FAH: variants seen among roughly 807,000 people sequenced by gnomAD.
FAH encodes the protein fumarylacetoacetase.
FAH carries 47 observed loss-of-function variants against 55.8 expected under a neutral mutation model. The ratio of observed to expected loss-of-function variants is 0.84; its 90% CI spans 0.67 to 1.07. The LOEUF (loss-of-function observed/expected upper bound fraction) is 1.07, where lower values mean the gene tolerates loss of function less well. Among genes scored for constraint, FAH ranks in the 50% least tolerant of loss-of-function variants. The probability of loss-of-function intolerance (pLI) is 0.00; values close to 1 mark genes in which losing one functional copy is unlikely to be tolerated. For missense variants in FAH, 495 were observed against 545.9 expected, an observed-to-expected ratio of 0.91 and a Z score of 0.93; for synonymous variants, 199 against 207.7, an observed-to-expected ratio of 0.96 and a Z score of 0.36.
chr15:80,157,029 G>A (rs2041105582), intron 1 of FAH: 1 of 152,316 alleles, frequency 6.6e-6, no homozygotes, highest in South Asian at 2.1e-4. Flanking sequence ...GGATTCAGGT[G>A]GTTCAGCTCT....
chr15:80,168,321 G>A lies in FAH; in HGVS notation c.606+5G>A, dbSNP rs1399118828. The A allele has an allele frequency of 6.2e-7, 1 of 1,611,272 alleles. No homozygotes were observed. Among genetic ancestry groups the A allele is most frequent in the Admixed American group, 1.7e-5 (1 of 59,954 alleles). On this transcript the variant is annotated splice_donor_5th_base_variant and intron_variant, in intron 7 of 13. Transcript: ENST00000561421. The stretch of plus-strand genomic sequence containing the variant: ...TTGGACATGGAGCTGGAAATGGTAA[G>A]TGAGCTTGATGTTTTATTGCCATGG...
At chr15:80,168,402 C>A in intron 7 of FAH, 86 bp downstream of exon 7, 1 of 1,352,824 alleles carries the variant, frequency 7.4e-7, no homozygotes, top group African/African-American at 1.4e-5. Flanking sequence ...CACCATGAGC[C>A]GCCCACTCCC....
chr15:80,181,944 G>T (rs1409221609), intron 13 of FAH, among the ~76,000 whole-genome samples: 2 of 152,164 alleles, frequency 1.3e-5, no homozygotes, highest in Non-Finnish European at 2.9e-5. Flanking sequence ...GCTTGTGTTA[G>T]TTTCCTGTGG....
chr15:80,159,461 G>T (rs187534985), intron 2 of FAH, among the ~76,000 whole-genome samples: 1 of 152,106 alleles, frequency 6.6e-6, no homozygotes, highest in East Asian at 1.9e-4. Context: ...GAAGAACATG[G>T]CCACCTTCAA....
In FAH at chr15:80,173,134, A is replaced by G. The variant is rs148153674; in HGVS notation, c.827A>G (p.Asn276Ser). 15 of 1,614,008 alleles carry G rather than the reference A, an allele frequency of 9.3e-6. No homozygotes were observed. Among genetic ancestry groups the G allele is most frequent in the African/African-American group, 8.0e-5 (6 of 74,878 alleles). The stretch of plus-strand genomic sequence containing the variant: ...GCTCTCATGCCCTTTGCTGTGCCCA[A>G]CCCGAAGCAGGTAAGCACATTCTCT... ...MDALMPFAVP[N>S]PKQDPRPLPY... The change falls in exon 9 of 14, where the codon AAC becomes AGC. Residue 276 changes from asparagine to serine, a missense_variant. Coordinates refer to ENST00000561421, the MANE Select transcript of FAH (RefSeq NM_000137.4).
Position 80,172,150 on chromosome 15 carries a change from CT to C in FAH, c.615del (p.Phe205LeufsTer2), listed in dbSNP as rs1057517084. On this transcript the variant is annotated frameshift_variant and splice_region_variant, in exon 8 of 14. Transcript: ENST00000561421. LOFTEE classifies it high-confidence loss of function. ...CKLLDMELEMAFFVGPGNRLG... is the reference protein window; with the variant it reads ...CKLLDMELEMXFFVGPGNRLG... ...CTAATGAACTCTCCCCCATGTAAGG[CT>C]TTTTTTGTAGGCCCTGGAAACAGAT... 2.5e-6 allele frequency: 4 copies of C among 1,612,688 alleles called. No homozygotes were observed. The highest frequency in any genetic ancestry group is 3.4e-6 in the Non-Finnish European group (4 of 1,178,828).
chr15:80,162,036 CTTAT>C (rs1485003069), intron 4 of FAH, among the ~76,000 whole-genome samples: 1 of 152,196 alleles, frequency 6.6e-6, no homozygotes, highest in Admixed American at 6.5e-5. Context: ...CTCCTGATTT[CTTAT>C]TTGTTTCTCA....
chr15:80,172,272 G>A lies in FAH; in HGVS notation c.706+24G>A, dbSNP rs371479394. 40 of 1,553,956 alleles carry A rather than the reference G, an allele frequency of 2.6e-5. No individual in the cohort carries two copies. The African/African-American group carries it at 3.0e-4, about 12-fold the overall frequency. ...TGGTAATTACTGGAGCTCTGCTCCT[G>A]TAGAGATGACGGGGAGGAGGCTGGG... is the stretch of plus-strand genomic sequence containing the variant. On this transcript the variant is annotated intron_variant, in intron 8 of 13. Coordinates refer to ENST00000561421, the MANE Select transcript of FAH (RefSeq NM_000137.4).
rs148537380 is a variant in FAH at position 80,170,299 on chromosome 15, A to G, written c.607-1850A>G. On this transcript the variant is annotated intron_variant, in intron 7 of 13. Coordinates refer to ENST00000561421, the MANE Select transcript of FAH (RefSeq NM_000137.4). Reference sequence around the variant, plus strand: ...CTCAGGAAGCTCTGAGTGCCTCATCACTGATGGTGTAGAAGAAGCTGTCAT... The same window carrying G: ...CTCAGGAAGCTCTGAGTGCCTCATCGCTGATGGTGTAGAAGAAGCTGTCAT... 4.6e-3 allele frequency among the ~76,000 whole-genome samples: 706 copies of G among 152,284 alleles called. 5 individuals carry two copies. Among genetic ancestry groups the G allele is most frequent in the African/African-American group, 0.017 (691 of 41,550 alleles).
In FAH at chr15:80,158,270, G is replaced by A. The variant is rs140502226; in HGVS notation, c.192+100G>A. On this transcript the variant is annotated intron_variant, in intron 2 of 13. Transcript: ENST00000561421. Reference sequence around the variant, plus strand: ...GCGTTCCATTTCCGATAGAGGTAATGCCATCGAAGGTCTCAGAGGTTATAC... The same window carrying A: ...GCGTTCCATTTCCGATAGAGGTAATACCATCGAAGGTCTCAGAGGTTATAC... 34 of 887,888 alleles carry A rather than the reference G, an allele frequency of 3.8e-5. No individual in the cohort carries two copies. In the East Asian group the frequency reaches 7.7e-4, roughly 20 times the overall value. The allele number at this position is 887,888 out of a possible 1,614,324, so 55.0% of individuals were successfully genotyped here.
chr15:80,186,247 AC>A lies in FAH; in HGVS notation c.*42del. The A allele has an allele frequency of 8.8e-7, 1 of 1,142,296 alleles. No individual in the cohort carries two copies. Among genetic ancestry groups the A allele is most frequent in the Non-Finnish European group, 1.2e-6 (1 of 819,178 alleles). The allele number at this position is 1,142,296 out of a possible 1,614,324, so 70.8% of individuals were successfully genotyped here. On this transcript the variant is annotated 3_prime_UTR_variant, in exon 14 of 14. Coordinates refer to ENST00000561421, the MANE Select transcript of FAH (RefSeq NM_000137.4). The stretch of plus-strand genomic sequence containing the variant: ...TCTTCTGGAAACAAAGGGCTCAAGC[AC>A]CCCTTTCAACCCTGTGACTGGGGTC...
chr15:80,154,163 G>A (rs565111646), intron 1 of FAH, among the ~76,000 whole-genome samples: 1 of 152,320 alleles, frequency 6.6e-6, no homozygotes, highest in South Asian at 2.1e-4. Flanking sequence ...TCCCCTGGAG[G>A]ACACAATCTG....
chr15:80,179,013 C>T (rs1487227538), intron 11 of FAH, among the ~76,000 whole-genome samples: 4 of 152,184 alleles, frequency 2.6e-5, no homozygotes, highest in Non-Finnish European at 5.9e-5. Context: ...CACATATGTG[C>T]ACATTTCTAT....
At position 80,181,092 on chromosome 15, in the gene FAH, G is replaced by A. The variant is rs1171924945; in HGVS notation, c.1113G>A (p.Lys371=). The A allele has an allele frequency of 6.2e-6, 10 of 1,613,888 alleles. No homozygotes were observed. The highest frequency in any genetic ancestry group is 1.6e-4 in the Middle Eastern group (1 of 6,084). ...SMLELSWKGT[K]PIDLGNGQTR... is the part of the protein sequence containing the mutation. Reference sequence around the variant, plus strand: ...TGGAACTGTCGTGGAAGGGAACGAAGCCCATAGACCTGGGGAATGGTCAGA... The same window carrying A: ...TGGAACTGTCGTGGAAGGGAACGAAACCCATAGACCTGGGGAATGGTCAGA... Residue 371 remains lysine (K), a synonymous_variant, in exon 13 of 14, where the codon AAG becomes AAA. Coordinates refer to ENST00000561421, the MANE Select transcript of FAH (RefSeq NM_000137.4).
chr15:80,157,082 G>A (rs2041105979), intron 1 of FAH: 1 of 152,404 alleles, frequency 6.6e-6, no homozygotes, highest in Non-Finnish European at 1.5e-5. Context: ...GGAAGACTGA[G>A]GCCCAGGGAG....
intron 7 of FAH, 94 bp from the exon 8 acceptor site, chr15:80,172,055 G>A: frequency 1.1e-6 from 1 of 903,514 alleles, no homozygotes; most frequent in Non-Finnish European, 1.9e-6. Context: ...GTCCATGGCT[G>A]GAGTTTGGAA....
chr15:80,153,130 G>A lies in FAH; in HGVS notation c.76G>A (p.Gly26Ser), dbSNP rs747716227. ...NLPYGVFSTR[G>S]DPRPRIGVAI... ...GCCCTACGGCGTCTTCTCGACCAGA[G>A]GCGACGTGAGCAGTGGGGCTTTGGC... The change falls in exon 1 of 14, where the codon GGC (glycine) becomes AGC (serine). Residue 26 changes from glycine (G) to serine (S), a missense_variant. Gly to Ser is a moderately conservative substitution (Grantham distance 56, BLOSUM62 0). Coordinates refer to ENST00000561421, the MANE Select transcript of FAH (RefSeq NM_000137.4). The A allele has an allele frequency of 9.9e-6, 16 of 1,612,862 alleles. No homozygotes were observed. Among genetic ancestry groups the A allele is most frequent in the Non-Finnish European group, 1.3e-5 (15 of 1,179,664 alleles).
In FAH at chr15:80,168,317, G is replaced by GT; in HGVS notation, c.606+2dup. 2 of 1,612,206 alleles carry GT rather than the reference G, an allele frequency of 1.2e-6. No individual in the cohort carries two copies. The highest frequency in any genetic ancestry group is 1.7e-6 in the Non-Finnish European group (2 of 1,179,978). ...GCTCTTGGACATGGAGCTGGAAATG[G>GT]TAAGTGAGCTTGATGTTTTATTGCC... On this transcript the variant is annotated splice_donor_variant, in intron 7 of 13. Transcript: ENST00000561421. LOFTEE classifies it high-confidence loss of function.
intron 11 of FAH, among the ~76,000 whole-genome samples, chr15:80,178,159 C>A (rs2041299491): frequency 6.6e-6 from 1 of 152,124 alleles, no homozygotes; most frequent in African/African-American, 2.4e-5. Context: ...ATGATCACAC[C>A]ACTGCATTCC....
Sources: gnomAD v4.1 joint callset for allele counts (sites outside exome capture counted in the v4.1 genomes callset) on GRCh38, gnomAD v4.1.1 for gene constraint, MANE v1.5 for transcripts, NCBI Gene and HGNC (gene_info 2026-07-23, HGNC 2026-07-21) for gene names.